Variants in BRD10 observed in about 807,000 individuals in gnomAD.
The protein encoded by BRD10 is uncharacterized bromodomain-containing protein 10.
the BRD10 span, among the ~76,000 whole-genome samples, chr9:5,888,157 GTTTTT>G: frequency 6.6e-6 from 1 of 151,910 alleles, no homozygotes; most frequent in Admixed American, 6.6e-5. Context: ...TTCCGGTGGG[GTTTTT>G]TTTCTTTGTT....
At chr9:5,940,306 G>A in the BRD10 span, among the ~76,000 whole-genome samples, 2 of 152,122 alleles carry the variant, frequency 1.3e-5, no homozygotes, top group Non-Finnish European at 2.9e-5. Context: ...CAATTCTCCT[G>A]CCTCAGCCTC....
the BRD10 span, among the ~76,000 whole-genome samples, chr9:5,995,075 A>C: frequency 6.6e-6 from 1 of 151,902 alleles, no homozygotes; most frequent in Admixed American, 6.6e-5. Context: ...AATTTTCAGC[A>C]TTTTCAATAG....
chr9:5,912,030 ATCTT>A, the BRD10 span, among the ~76,000 whole-genome samples: 1 of 152,206 alleles, frequency 6.6e-6, no homozygotes, highest in African/African-American at 2.4e-5. Context: ...AACATTGAAT[ATCTT>A]TCTGTTTTTC....
the BRD10 span, among the ~76,000 whole-genome samples, chr9:5,940,539 T>C: frequency 3.9e-5 from 6 of 152,332 alleles, no homozygotes; most frequent in South Asian, 1.2e-3. Flanking sequence ...TATTTCCGTA[T>C]TGTAAAAATG....
chr9:5,971,052 C>CAAAAAAAAAAAAAA, the BRD10 span, among the ~76,000 whole-genome samples: 12 of 43,202 alleles, frequency 2.8e-4, 6 homozygotes, highest in Admixed American at 1.1e-3. Context: ...AGCAACGTCT[C>CAAAAAAAAAAAAAA]AAAAAAAAAA....
chr9:5,897,647 C>G, the BRD10 span: 4 of 1,613,714 alleles, frequency 2.5e-6, no homozygotes, highest in Non-Finnish European at 3.4e-6. Context: ...GATACAGAGC[C>G]TTGATGGTTG....
the BRD10 span, among the ~76,000 whole-genome samples, chr9:6,006,656 A>T: frequency 6.6e-6 from 1 of 152,348 alleles, no homozygotes; most frequent in Admixed American, 6.5e-5. Flanking sequence ...TGAAACGGAG[A>T]GAAAAGATCA....
the BRD10 span, among the ~76,000 whole-genome samples, chr9:5,941,002 C>T: frequency 5.7e-4 from 86 of 151,990 alleles, 1 homozygote; most frequent in Admixed American, 5.6e-3. Context: ...TTCACTTTTC[C>T]TCATACCCAA....
chr9:5,896,538 CTTAG>C, the BRD10 span, among the ~76,000 whole-genome samples: 1 of 152,300 alleles, frequency 6.6e-6, no homozygotes, highest in Non-Finnish European at 1.5e-5. Context: ...CAGCAGAAGC[CTTAG>C]TTAAACCTTG....
the BRD10 span, among the ~76,000 whole-genome samples, chr9:5,951,638 G>A: frequency 2.8e-4 from 43 of 152,176 alleles, no homozygotes; most frequent in South Asian, 1.7e-3. Flanking sequence ...AGAACTTTTG[G>A]GCAGGGAATG....
chr9:5,978,866 T>A, the BRD10 span, among the ~76,000 whole-genome samples: 103 of 152,334 alleles, frequency 6.8e-4, no homozygotes, highest in Middle Eastern at 3.4e-3. Flanking sequence ...CAATATCAAG[T>A]AAGAAGTATA....
chr9:5,949,623 G>C, the BRD10 span, among the ~76,000 whole-genome samples: 1 of 152,124 alleles, frequency 6.6e-6, no homozygotes, highest in Non-Finnish European at 1.5e-5. Flanking sequence ...ATATGAAATG[G>C]GAGCAAGGGC....
the BRD10 span, among the ~76,000 whole-genome samples, chr9:5,946,934 G>A: frequency 6.6e-6 from 1 of 151,838 alleles, no homozygotes; most frequent in African/African-American, 2.4e-5. Context: ...TCCATTTAAA[G>A]GAAGAGATAA....
chr9:5,955,736 C>T, the BRD10 span, among the ~76,000 whole-genome samples: 2 of 149,354 alleles, frequency 1.3e-5, no homozygotes, highest in South Asian at 2.1e-4. Flanking sequence ...AATAACCCAA[C>T]ATATATTTCT....
the BRD10 span, among the ~76,000 whole-genome samples, chr9:5,984,146 G>A: frequency 1.3e-5 from 2 of 152,090 alleles, no homozygotes; most frequent in African/African-American, 4.8e-5. Context: ...ATATCAGATG[G>A]TATCATGGAT....
chr9:5,967,252 T>C, the BRD10 span, among the ~76,000 whole-genome samples: 1 of 152,192 alleles, frequency 6.6e-6, no homozygotes, highest in Non-Finnish European at 1.5e-5. Flanking sequence ...CATCTGCTTT[T>C]ATCTCACTTA....
At chr9:5,882,303 G>C in the BRD10 span, among the ~76,000 whole-genome samples, 4 of 152,080 alleles carry the variant, frequency 2.6e-5, no homozygotes, top group African/African-American at 9.7e-5. Context: ...TGTTGCCTTA[G>C]CCTTGATGGG....
the BRD10 span, among the ~76,000 whole-genome samples, chr9:5,934,321 G>A: frequency 2.0e-5 from 3 of 150,766 alleles, no homozygotes; most frequent in African/African-American, 7.3e-5. Context: ...AAATTCTGTG[G>A]TAGAGAAGGT....
the BRD10 span, among the ~76,000 whole-genome samples, chr9:6,001,631 T>TCTAAGCCCTGTAGATA: frequency 1.3e-5 from 2 of 152,240 alleles, no homozygotes; most frequent in Non-Finnish European, 2.9e-5. Context: ...TTACATATTA[T>TCTAAGCCCTGTAGATA]CTAGCACATA....
Sources: allele counts gnomAD v4.1 joint callset (sites outside exome capture counted in the v4.1 genomes callset), GRCh38; gene constraint gnomAD v4.1.1; transcripts MANE v1.5; gene names NCBI Gene and HGNC (gene_info 2026-07-23, HGNC 2026-07-21).